GBE1: variants seen among roughly 807,000 people sequenced by gnomAD.
GBE1 encodes the protein 1,4-alpha-glucan-branching enzyme.
Under a neutral mutation model 88.8 loss-of-function variants are expected in GBE1, and 70 were observed. That is an observed-to-expected ratio of 0.79 (90% CI 0.65 to 0.96). The LOEUF (loss-of-function observed/expected upper bound fraction) is 0.96. Ranked by LOEUF, GBE1 falls within the 40% of genes least tolerant of loss-of-function variation. The pLI is 0.00. For missense variants in GBE1, 872 were observed against 871.0 expected (o/e 1.00, Z -0.01); for synonymous variants, 284 against 300.1 (o/e 0.95, Z 0.56).
intron 1 of GBE1, among the ~76,000 whole-genome samples, chr3:81,737,094 TGAG>T (rs1166556658): frequency 2.0e-5 from 3 of 151,092 alleles, no homozygotes; most frequent in African/African-American, 4.9e-5. Flanking sequence ...GTTGGACAGG[TGAG>T]GAGGAGAAAG....
chr3:81,614,896 G>A (rs1340526287), intron 7 of GBE1, among the ~76,000 whole-genome samples: 1 of 151,848 alleles, frequency 6.6e-6, no homozygotes, highest in Non-Finnish European at 1.5e-5. Context: ...AGGTGTGGTG[G>A]CATGTGCCTG....
chr3:81,641,366 A>C (rs1347505448), intron 7 of GBE1, among the ~76,000 whole-genome samples: 1 of 152,120 alleles, frequency 6.6e-6, no homozygotes, highest in Non-Finnish European at 1.5e-5. Flanking sequence ...TTTGCCAATA[A>C]AAGTAAGGGC....
At chr3:81,565,791 CAT>C (rs954877604) in intron 12 of GBE1, among the ~76,000 whole-genome samples, 7 of 152,130 alleles carry the variant, frequency 4.6e-5, no homozygotes, top group African/African-American at 1.7e-4. Flanking sequence ...GCAGGAAAAA[CAT>C]ATGTACACAT....
chr3:81,590,951 A>G, intron 9 of GBE1, 86 bp downstream of exon 9: 12 of 1,178,238 alleles, frequency 1.0e-5, no homozygotes, highest in Non-Finnish European at 1.2e-5. Flanking sequence ...TATTGACAAC[A>G]TGAGATTGAT....
intron 12 of GBE1, among the ~76,000 whole-genome samples, chr3:81,570,102 G>A (rs1703552773): frequency 6.6e-6 from 1 of 152,118 alleles, no homozygotes; most frequent in Admixed American, 6.6e-5. Context: ...GAGCCACCAT[G>A]ACTGGCCTGC....
intron 1 of GBE1, among the ~76,000 whole-genome samples, chr3:81,744,798 C>G (rs887120188): frequency 3.9e-5 from 6 of 152,148 alleles, no homozygotes; most frequent in Non-Finnish European, 7.4e-5. Context: ...TCAAATGATA[C>G]CTTCATTAAA....
At chr3:81,626,681 C>A (rs1049660190) in intron 7 of GBE1, among the ~76,000 whole-genome samples, 18 of 146,796 alleles carry the variant, frequency 1.2e-4, no homozygotes, top group Admixed American at 3.4e-4. Context: ...AAAAGGATGT[C>A]AAGATGAGAC....
intron 2 of GBE1, among the ~76,000 whole-genome samples, chr3:81,693,575 C>T (rs540754004): frequency 7.9e-5 from 12 of 152,178 alleles, no homozygotes; most frequent in South Asian, 4.1e-4. Context: ...CTTGAATTTC[C>T]AAGACTTACT....
At chr3:81,503,286 G>A (rs1489742144) in intron 14 of GBE1, among the ~76,000 whole-genome samples, 1 of 152,152 alleles carries the variant, frequency 6.6e-6, no homozygotes, top group African/African-American at 2.4e-5. Context: ...AAAGCAATAT[G>A]CAATGAGAGG....
rs1435853872 is a variant in GBE1, at chr3:81,593,093, T to A, written c.1108+815A>T. Among the ~76,000 whole-genome samples the A allele has an allele frequency of 2.0e-5, 3 of 152,184 alleles. No homozygotes were observed. The East Asian group carries it at 5.8e-4, about 29-fold the overall frequency. Reference sequence around the variant, plus strand: ...AATAATAATAATTGGCTGGGTGTGGTGGCTCACTCCTGCAATCCCAGCACT... The same window carrying A: ...AATAATAATAATTGGCTGGGTGTGGAGGCTCACTCCTGCAATCCCAGCACT... On this transcript the variant is annotated intron_variant, in intron 8 of 15. Coordinates refer to ENST00000429644, the MANE Select transcript of GBE1 (RefSeq NM_000158.4).
chr3:81,612,375 G>A (rs7617859), intron 7 of GBE1: 32,618 of 787,404 alleles, frequency 0.041, 1,200 homozygotes, highest in African/African-American at 0.14. Context: ...GGATCACCAC[G>A]CTCATTAGGA....
intron 7 of GBE1, among the ~76,000 whole-genome samples, chr3:81,598,157 C>T (rs1282572273): frequency 1.3e-5 from 2 of 151,796 alleles, no homozygotes; most frequent in Non-Finnish European, 2.9e-5. Context: ...CAACTTAGTT[C>T]ACTGGATGTT....
intron 11 of GBE1, among the ~76,000 whole-genome samples, chr3:81,578,968 A>C (rs1703685650): frequency 6.6e-6 from 1 of 151,992 alleles, no homozygotes; most frequent in South Asian, 2.1e-4. Context: ...TTGTTATAGG[A>C]TTTATATCAT....
Position 81,751,224 on chromosome 3 carries a change from A to G in GBE1, c.143+10151T>C, listed in dbSNP as rs191064226. ...ATAGACTCCTCTCAGGAACAGTAGA[A>G]TGCCTGGATCCTGCACAGAATGATT... On this transcript the variant is annotated intron_variant, in intron 1 of 15. Transcript: ENST00000429644. Among the ~76,000 whole-genome samples the G allele has an allele frequency of 2.8e-4, 43 of 152,304 alleles. No homozygotes were observed. The East Asian group carries it at 5.2e-3, about 18-fold the overall frequency.
At chr3:81,531,099 C>T (rs1703006361) in intron 14 of GBE1, among the ~76,000 whole-genome samples, 1 of 151,268 alleles carries the variant, frequency 6.6e-6, no homozygotes, top group Non-Finnish European at 1.5e-5. Flanking sequence ...CTATCCATGG[C>T]CACCACCACC....
rs186539305 is a variant in GBE1 at position 81,611,540 on chromosome 3, C to T, written c.993-17517G>A. 1.1e-3 allele frequency among the ~76,000 whole-genome samples: 162 copies of T among 152,178 alleles called. 1 individual carries two copies. Among genetic ancestry groups the T allele is most frequent in the South Asian group, 2.1e-3 (10 of 4,826 alleles). On this transcript the variant is annotated intron_variant, in intron 7 of 15. Coordinates refer to ENST00000429644, the MANE Select transcript of GBE1 (RefSeq NM_000158.4). ...TACAAATTGGTAGACAGATTCTAAA[C>T]TCAATATAAAAAAGAATTTTCTAAT...
intron 14 of GBE1, among the ~76,000 whole-genome samples, chr3:81,515,086 AT>A (rs1042382194): frequency 1.3e-5 from 2 of 151,610 alleles, no homozygotes; most frequent in Admixed American, 6.6e-5. Context: ...TTTCAGGCCA[AT>A]GATACTACTG....
chr3:81,633,195 C>T lies in GBE1; in HGVS notation c.992+9586G>A, dbSNP rs373653443. Among the ~76,000 whole-genome samples the T allele has an allele frequency of 2.6e-5, 4 of 152,270 alleles. No homozygotes were observed. The East Asian group carries it at 7.7e-4, about 29-fold the overall frequency. The stretch of plus-strand genomic sequence containing the variant: ...CAGAGAACGAGGGTGGCTAGTAAGT[C>T]TGACCACAGATAATCATGACAATGA... On this transcript the variant is annotated intron_variant, in intron 7 of 15. Coordinates refer to ENST00000429644, the MANE Select transcript of GBE1 (RefSeq NM_000158.4).
chr3:81,576,793 A>C (rs1165361827), intron 12 of GBE1, among the ~76,000 whole-genome samples: 1 of 151,666 alleles, frequency 6.6e-6, no homozygotes, highest in Non-Finnish European at 1.5e-5. Context: ...TAGAGGATAC[A>C]CCCAAAGGTA....
Sources: gnomAD v4.1 joint callset for allele counts (sites outside exome capture counted in the v4.1 genomes callset) on GRCh38, gnomAD v4.1.1 for gene constraint, MANE v1.5 for transcripts, NCBI Gene and HGNC (gene_info 2026-07-23, HGNC 2026-07-21) for gene names.